The following DSCAM variants were observed in gnomAD, a reference collection of about 807,000 sequenced individuals.
DSCAM encodes DS cell adhesion molecule.
DSCAM carries 47 observed loss-of-function variants against 217.7 expected under a neutral mutation model. The ratio of observed to expected loss-of-function variants is 0.22; its 90% CI spans 0.17 to 0.28. The LOEUF (loss-of-function observed/expected upper bound fraction) is 0.28. Ranked by LOEUF, DSCAM falls within the 10% of genes least tolerant of loss-of-function variation. The pLI is 1.00. For missense variants in DSCAM, 2,080 were observed against 2,618.3 expected, an observed-to-expected ratio of 0.79 and a Z score of 4.49; for synonymous variants, 1,056 against 1,015.3, an observed-to-expected ratio of 1.04 and a Z score of -0.76.
chr21:40,178,468 A>C (rs73362194), intron 15 of DSCAM, among the ~76,000 whole-genome samples: 1,697 of 152,330 alleles, frequency 0.011, 38 homozygotes, highest in African/African-American at 0.039. Flanking sequence ...TTTCTAGTCA[A>C]TAAAATAATC....
At chr21:40,192,365 A>G (rs754926471) in intron 11 of DSCAM, among the ~76,000 whole-genome samples, 45 of 152,050 alleles carry the variant, frequency 3.0e-4, no homozygotes, top group Non-Finnish European at 4.7e-4. Context: ...AGGGGTGGTT[A>G]CCTCCATGCT....
At chr21:40,367,199 A>C (rs2074842576) in intron 4 of DSCAM, among the ~76,000 whole-genome samples, 1 of 152,176 alleles carries the variant, frequency 6.6e-6, no homozygotes, top group East Asian at 1.9e-4. Flanking sequence ...TCTAAGACAC[A>C]AAGAATTCTC....
At chr21:40,829,098 C>T (rs764184794) in intron 1 of DSCAM, among the ~76,000 whole-genome samples, 1 of 152,200 alleles carries the variant, frequency 6.6e-6, no homozygotes, top group African/African-American at 2.4e-5. Context: ...GTCATGTGTT[C>T]AACCACCCCT....
intron 3 of DSCAM, among the ~76,000 whole-genome samples, chr21:40,399,025 T>A (rs1479115949): frequency 6.6e-6 from 1 of 152,204 alleles, no homozygotes; most frequent in African/African-American, 2.4e-5. Flanking sequence ...AATCCCAGCA[T>A]TTTAGTAGGC....
At chr21:40,393,387 T>C (rs2075151191) in intron 3 of DSCAM, among the ~76,000 whole-genome samples, 1 of 152,208 alleles carries the variant, frequency 6.6e-6, no homozygotes, top group African/African-American at 2.4e-5. Flanking sequence ...TTCCCAGCCC[T>C]TTTGTGAGCT....
At chr21:40,351,036 C>A (rs1053054535) in intron 5 of DSCAM, among the ~76,000 whole-genome samples, 1 of 151,704 alleles carries the variant, frequency 6.6e-6, no homozygotes, top group Admixed American at 6.6e-5. Flanking sequence ...CAGACACAAG[C>A]CATCACACCC....
intron 11 of DSCAM, among the ~76,000 whole-genome samples, chr21:40,248,723 AT>A (rs2073261358): frequency 6.6e-6 from 1 of 152,150 alleles, no homozygotes; most frequent in African/African-American, 2.4e-5. Context: ...AGTTGCTTCC[AT>A]ATTTTCAGGT....
intron 3 of DSCAM, among the ~76,000 whole-genome samples, chr21:40,601,149 C>A (rs1358461951): frequency 6.6e-6 from 1 of 152,176 alleles, no homozygotes; most frequent in Non-Finnish European, 1.5e-5. Flanking sequence ...TGAGTCCTGT[C>A]CATGACAATA....
At chr21:40,644,797 T>C (rs2089924775) in intron 3 of DSCAM, among the ~76,000 whole-genome samples, 1 of 152,190 alleles carries the variant, frequency 6.6e-6, no homozygotes. Flanking sequence ...TGGATTTTGT[T>C]TAGTTCTTTG....
chr21:40,513,882 A>C (rs1411802739), intron 3 of DSCAM, among the ~76,000 whole-genome samples: 2 of 152,204 alleles, frequency 1.3e-5, no homozygotes, highest in African/African-American at 4.8e-5. Flanking sequence ...AACAAAAACA[A>C]GTGAAGTCAA....
chr21:40,120,895 AG>A (rs1416489418), intron 20 of DSCAM, among the ~76,000 whole-genome samples: 1 of 152,200 alleles, frequency 6.6e-6, no homozygotes, highest in Non-Finnish European at 1.5e-5. Context: ...TAGAGAAAAA[AG>A]CTTGTCTATT....
chr21:40,329,825 T>C (rs749918403), intron 8 of DSCAM, among the ~76,000 whole-genome samples: 1 of 152,010 alleles, frequency 6.6e-6, no homozygotes. Context: ...AACTCATATA[T>C]GCAATCTAAA....
At chr21:40,304,813 A>T (rs1284772981) in intron 9 of DSCAM, among the ~76,000 whole-genome samples, 1 of 152,216 alleles carries the variant, frequency 6.6e-6, no homozygotes, top group Admixed American at 6.5e-5. Context: ...AGTGGTCAGA[A>T]CACACACAAC....
chr21:40,377,210 T>C (rs933110511), intron 3 of DSCAM, among the ~76,000 whole-genome samples: 6 of 152,190 alleles, frequency 3.9e-5, no homozygotes, highest in Non-Finnish European at 7.3e-5. Context: ...TTATTCCCAT[T>C]TTTCAGATGA....
At chr21:40,377,458 G>A (rs1215040168) in intron 3 of DSCAM, among the ~76,000 whole-genome samples, 1 of 152,112 alleles carries the variant, frequency 6.6e-6, no homozygotes, top group Non-Finnish European at 1.5e-5. Context: ...CAGAGCTGGG[G>A]TGAGGAGAAG....
At chr21:40,062,004 T>C (rs2089130643) in intron 28 of DSCAM, among the ~76,000 whole-genome samples, 1 of 152,204 alleles carries the variant, frequency 6.6e-6, no homozygotes, top group Non-Finnish European at 1.5e-5. Context: ...AAAATGCAAA[T>C]ATCAGGGTGA....
At chr21:40,320,584 A>G (rs990228262) in intron 8 of DSCAM, among the ~76,000 whole-genome samples, 1 of 152,230 alleles carries the variant, frequency 6.6e-6, no homozygotes. Context: ...AATTTACAAA[A>G]GAAAGAGTTT....
At chr21:40,434,788 A>G (rs1353437891) in intron 3 of DSCAM, among the ~76,000 whole-genome samples, 1 of 152,196 alleles carries the variant, frequency 6.6e-6, no homozygotes, top group East Asian at 1.9e-4. Context: ...TGTGTCACAA[A>G]AAAACACCCG....
chr21:40,152,351 A>G (rs2090432375), intron 16 of DSCAM, among the ~76,000 whole-genome samples: 1 of 152,230 alleles, frequency 6.6e-6, no homozygotes, highest in Admixed American at 6.5e-5. Flanking sequence ...AGAGAAGGTC[A>G]TGCCTGCTCC....
Sources: gnomAD v4.1 joint callset for allele counts (sites outside exome capture counted in the v4.1 genomes callset) on GRCh38, gnomAD v4.1.1 for gene constraint, MANE v1.5 for transcripts, NCBI Gene and HGNC (gene_info 2026-07-23, HGNC 2026-07-21) for gene names.